Variants in SWAP70 observed in about 807,000 individuals in gnomAD.
SWAP70 encodes the protein switching B cell complex subunit SWAP70.
In SWAP70, 34 loss-of-function variants were observed where a neutral mutation model predicts 80.2. The ratio of observed to expected loss-of-function variants is 0.42; its 90% CI spans 0.32 to 0.56. The LOEUF is 0.56. Among genes scored for constraint, SWAP70 ranks in the 20% least tolerant of loss-of-function variants. The pLI is 0.09. For synonymous variants in SWAP70, 239 were observed against 238.5 expected (o/e 1.00, Z -0.02); for missense variants, 578 against 690.7 (o/e 0.84, Z 1.83).
chr11:9,740,516 AGT>A, intron 9 of SWAP70, 169 bp downstream of exon 9: 1 of 712,118 alleles, frequency 1.4e-6, no homozygotes, highest in Non-Finnish European at 2.4e-6. Flanking sequence ...GACCGGCTGG[AGT>A]GTTTCTTTTC....
chr11:9,747,731 T>A, intron 9 of SWAP70, 127 bp from the exon 10 acceptor site: 2 of 883,256 alleles, frequency 2.3e-6, no homozygotes, highest in Non-Finnish European at 3.7e-6. Context: ...CCTGCTTTCC[T>A]CCTGGTGGAA....
chr11:9,707,451 T>C (rs1850929610), intron 2 of SWAP70, among the ~76,000 whole-genome samples: 1 of 152,154 alleles, frequency 6.6e-6, no homozygotes, highest in Non-Finnish European at 1.5e-5. Flanking sequence ...CTTAACATAG[T>C]GTCCTCAGGG....
intron 2 of SWAP70, among the ~76,000 whole-genome samples, chr11:9,707,999 C>G (rs12272045): frequency 2.6e-5 from 4 of 151,598 alleles, no homozygotes; most frequent in Non-Finnish European, 5.9e-5. Flanking sequence ...AGAAGTGTAC[C>G]CTGCACCCAA....
intron 9 of SWAP70, 132 bp from the exon 10 acceptor site, chr11:9,747,726 T>C: frequency 8.2e-6 from 7 of 850,814 alleles, no homozygotes; most frequent in Non-Finnish European, 1.2e-5. Context: ...TGGCTCCTGC[T>C]TTCCTCCTGG....
At chr11:9,712,991 C>A (rs1485533165) in intron 2 of SWAP70, among the ~76,000 whole-genome samples, 1 of 152,216 alleles carries the variant, frequency 6.6e-6, no homozygotes, top group African/African-American at 2.4e-5. Context: ...GCCACCATGC[C>A]CAGCCTCTTC....
At chr11:9,742,459 C>G (rs906064941) in intron 9 of SWAP70, among the ~76,000 whole-genome samples, 2 of 151,910 alleles carry the variant, frequency 1.3e-5, no homozygotes, top group Admixed American at 6.6e-5. Flanking sequence ...GCCTCAGCCT[C>G]CCGAGTAGCT....
chr11:9,692,629 C>T (rs922241921), intron 1 of SWAP70, among the ~76,000 whole-genome samples: 3 of 152,118 alleles, frequency 2.0e-5, no homozygotes, highest in African/African-American at 7.2e-5. Flanking sequence ...TGAACCTGAT[C>T]TGAGAAGTGT....
intron 3 of SWAP70, 47 bp from the exon 4 acceptor site, chr11:9,724,611 A>T: frequency 2.1e-6 from 3 of 1,431,580 alleles, no homozygotes; most frequent in Non-Finnish European, 1.9e-6. Flanking sequence ...TAACTATGTT[A>T]AAGTTTTTTT....
At chr11:9,693,051 C>G (rs532750530) in intron 1 of SWAP70, among the ~76,000 whole-genome samples, 6 of 152,142 alleles carry the variant, frequency 3.9e-5, no homozygotes, top group Admixed American at 3.3e-4. Flanking sequence ...AAAAAAACTC[C>G]TAACTGAAAT....
At chr11:9,742,145 CA>C (rs1382195937) in intron 9 of SWAP70, among the ~76,000 whole-genome samples, 4 of 152,130 alleles carry the variant, frequency 2.6e-5, no homozygotes, top group Non-Finnish European at 2.9e-5. Flanking sequence ...TAAGCAATAG[CA>C]AAATGGTTTC....
chr11:9,714,047 T>C (rs1189601108), intron 3 of SWAP70, among the ~76,000 whole-genome samples: 5 of 152,350 alleles, frequency 3.3e-5, no homozygotes, highest in African/African-American at 1.2e-4. Flanking sequence ...AATACTATTC[T>C]TGTTTCAAAG....
chr11:9,714,036 A>G (rs1851033591), intron 3 of SWAP70, among the ~76,000 whole-genome samples: 1 of 152,236 alleles, frequency 6.6e-6, no homozygotes, highest in Non-Finnish European at 1.5e-5. Context: ...TTGTGTGAGT[A>G]AATACTATTC....
chr11:9,727,916 G>A, intron 4 of SWAP70, 137 bp from the exon 5 acceptor site: 1 of 891,990 alleles, frequency 1.1e-6, no homozygotes, highest in Non-Finnish European at 1.6e-6. Context: ...TAGATTCTCA[G>A]AGGATCCAAG....
chr11:9,717,294 G>C (rs918136866), intron 3 of SWAP70, among the ~76,000 whole-genome samples: 1 of 152,206 alleles, frequency 6.6e-6, no homozygotes, highest in Non-Finnish European at 1.5e-5. Flanking sequence ...CCCAGTGGTG[G>C]TTTTAAAACC....
chr11:9,668,115 C>G (rs959891960), intron 1 of SWAP70, among the ~76,000 whole-genome samples: 1 of 152,166 alleles, frequency 6.6e-6, no homozygotes, highest in African/African-American at 2.4e-5. Flanking sequence ...TCTCAAACTC[C>G]TGACCTCAGG....
chr11:9,707,935 T>C (rs1371968191), intron 2 of SWAP70, among the ~76,000 whole-genome samples: 3 of 152,314 alleles, frequency 2.0e-5, no homozygotes, highest in Non-Finnish European at 4.4e-5. Flanking sequence ...TTTTTTGTTA[T>C]ATAGATAAGC....
rs1485534318 is a variant in SWAP70 at position 9,749,289 on chromosome 11, CTGGA to C, written c.1651+111_1651+114del. ...ATGGAGTCTCGCTCTGTCGCCCAGGCTGGATGGAGTGCAGTGGTGCGATCTTGGC... is the reference window on the plus strand; with the variant it reads ...ATGGAGTCTCGCTCTGTCGCCCAGGCTGGAGTGCAGTGGTGCGATCTTGGC... On this transcript the variant is annotated intron_variant, in intron 11 of 11. Coordinates refer to ENST00000318950, the MANE Select transcript of SWAP70 (RefSeq NM_015055.4). The C allele has an allele frequency of 1.0e-4, 53 of 506,598 alleles. No homozygotes were observed. In the Admixed American group the frequency reaches 1.3e-3, roughly 12 times the overall value. The allele number at this position is 506,598 out of a possible 1,614,324, so 31.4% of individuals were successfully genotyped here.
At chr11:9,683,388 C>T (rs1248429196) in intron 1 of SWAP70, among the ~76,000 whole-genome samples, 1 of 151,386 alleles carries the variant, frequency 6.6e-6, no homozygotes, top group Non-Finnish European at 1.5e-5. Context: ...TGCACTCCAG[C>T]CTGAGTAACA....
chr11:9,695,562 T>A (rs547716887), intron 2 of SWAP70, among the ~76,000 whole-genome samples: 1 of 143,494 alleles, frequency 7.0e-6, no homozygotes, highest in East Asian at 2.1e-4. Context: ...TAAGTGGGAG[T>A]TGAACAATGA....
Sources: allele counts gnomAD v4.1 joint callset (sites outside exome capture counted in the v4.1 genomes callset), GRCh38; gene constraint gnomAD v4.1.1; transcripts MANE v1.5; gene names NCBI Gene and HGNC (gene_info 2026-07-23, HGNC 2026-07-21).